Variants in KRTAP12-1 observed in about 807,000 individuals in gnomAD.
KRTAP12-1 encodes keratin associated protein 12-1, also known as keratin-associated protein 12-1.
For missense variants in KRTAP12-1, 109 were observed against 127.2 expected (o/e 0.86, Z 0.69); for synonymous variants, 56 against 58.8 (o/e 0.95, Z 0.22).
In KRTAP12-1 at chr21:44,681,826, T is replaced by C; in HGVS notation, c.*7A>G. 1 of 1,604,274 alleles carries C rather than the reference T, an allele frequency of 6.2e-7. No individual in the cohort carries two copies. The highest frequency in any genetic ancestry group is 8.5e-7 in the Non-Finnish European group (1 of 1,174,158). ...GCACTGGGAGCAGCGGGTCTGGAGA[T>C]TCATGCTCAGCAGCAGGAAGGGGTG... On this transcript the variant is annotated 3_prime_UTR_variant, in exon 1 of 1. Coordinates refer to ENST00000391617, the MANE Select transcript of KRTAP12-1 (RefSeq NM_181686.2).
Position 44,681,820 on chromosome 21 carries a change from T to G in KRTAP12-1, c.*13A>C. ...TCATCTGCACTGGGAGCAGCGGGTC[T>G]GGAGATTCATGCTCAGCAGCAGGAA... is the stretch of plus-strand genomic sequence containing the variant. On this transcript the variant is annotated 3_prime_UTR_variant, in exon 1 of 1. Transcript: ENST00000391617. 1 of 1,600,596 alleles carries G rather than the reference T, an allele frequency of 6.2e-7. No homozygotes were observed. Among genetic ancestry groups the G allele is most frequent in the Non-Finnish European group, 8.5e-7 (1 of 1,172,092 alleles).
Position 44,681,679 on chromosome 21 carries a change from A to T in KRTAP12-1, c.*154T>A. On this transcript the variant is annotated 3_prime_UTR_variant, in exon 1 of 1. Transcript: ENST00000391617. ...TAGGCAAGTTCAGCCAGGGCTCCAGATCATTCTATTATATTCTCGATCCAG... is the reference window on the plus strand; with the variant it reads ...TAGGCAAGTTCAGCCAGGGCTCCAGTTCATTCTATTATATTCTCGATCCAG... 2 of 1,043,470 alleles carry T rather than the reference A, an allele frequency of 1.9e-6. No homozygotes were observed. The highest frequency in any genetic ancestry group is 1.4e-6 in the Non-Finnish European group (1 of 735,860). The allele number at this position is 1,043,470 out of a possible 1,614,324, so 64.6% of individuals were successfully genotyped here. A position where few individuals can be genotyped will look rare whatever the true frequency, so the allele number is the denominator to read the frequency against.
rs1555948138 is a variant in KRTAP12-1 at position 44,682,041 on chromosome 21, A to T, written c.83T>A (p.Val28Glu). Reference protein sequence around the residue: ...SPCQASCYIPVGCQSSVCVPV... With the variant: ...SPCQASCYIPEGCQSSVCVPV... ...CACGCACACGGAGGACTGGCAGCCC[A>T]CGGGGATGTAACAGGATGCCTGGCA... The change falls in exon 1 of 1, where the codon GTG becomes GAG. Residue 28 changes from valine to glutamate, a missense_variant. By Grantham distance (121) the Val-to-Glu change is moderately radical. Transcript: ENST00000391617. 2 of 1,614,066 alleles carry T rather than the reference A, an allele frequency of 1.2e-6. No individual in the cohort carries two copies. Among genetic ancestry groups the T allele is most frequent in the Admixed American group, 1.7e-5 (1 of 60,028 alleles).
chr21:44,681,651 G>A lies in KRTAP12-1; in HGVS notation c.*182C>T, dbSNP rs141840336. On this transcript the variant is annotated 3_prime_UTR_variant, in exon 1 of 1. Transcript: ENST00000391617. ...TCTGGGACCCCAGACTTCCCTGGGG[G>A]GATAGGCAAGTTCAGCCAGGGCTCC... 1.3e-6 allele frequency: 1 copy of A among 783,990 alleles called. No individual in the cohort carries two copies. 48.6% of individuals were successfully genotyped at this position (783,990 alleles called of 1,614,324 possible).
chr21:44,681,985 GCA>G, the KRTAP12-1 span: 1 of 1,613,216 alleles, frequency 6.2e-7, no homozygotes, highest in Admixed American at 1.7e-5. Context: ...CATCTCACGG[GCA>G]CACACACGGC....
At position 44,681,777 on chromosome 21, in the gene KRTAP12-1, G is replaced by C. The variant is rs373365418; in HGVS notation, c.*56C>G. On this transcript the variant is annotated 3_prime_UTR_variant, in exon 1 of 1. Transcript: ENST00000391617. ...AAGACCAACTGAGGACTCATCCAGG[G>C]AGTGTACAGGTGTGGCCTCATCTGC... 8 of 1,555,724 alleles carry C rather than the reference G, an allele frequency of 5.1e-6. No individual in the cohort carries two copies. The African/African-American group carries it at 9.4e-5, about 18-fold the overall frequency.
In KRTAP12-1 at chr21:44,681,867, C is replaced by T. The variant is rs138110019; in HGVS notation, c.257G>A (p.Arg86Lys). 6.2e-7 allele frequency: 1 copy of T among 1,613,900 alleles called. No individual in the cohort carries two copies. Among genetic ancestry groups the T allele is most frequent in the Non-Finnish European group, 8.5e-7 (1 of 1,179,868 alleles). ...CQPSCTSVLC[R>K]PISCSTPSCC ...GGAAGGGGTGCTGCAGGAGATGGGTCTGCAGAGGACGCTGGTGCAGGAAGG... is the reference window on the plus strand; with the variant it reads ...GGAAGGGGTGCTGCAGGAGATGGGTTTGCAGAGGACGCTGGTGCAGGAAGG... Residue 86 changes from arginine (R) to lysine (K), a missense_variant, in exon 1 of 1, where the codon AGA becomes AAA. Physicochemically the swap from Arg to Lys is conservative, Grantham distance 26. Transcript: ENST00000391617.
rs782347689 is a variant in KRTAP12-1 at position 44,682,079 on chromosome 21, G to A, written c.45C>T (p.Cys15=). 9.3e-6 allele frequency: 15 copies of A among 1,613,938 alleles called. No homozygotes were observed. Among genetic ancestry groups the A allele is most frequent in the South Asian group, 2.2e-5 (2 of 91,058 alleles). ...AGGATGCCTGGCAGGGGCTGGGCGC[G>A]CAGCAGGCTGGCTGGCAGCCCGAGG... ...SCSSGCQPAC[C]APSPCQASCY... The change falls in exon 1 of 1, where the codon TGC becomes TGT. Residue 15 remains cysteine, a synonymous_variant. Transcript: ENST00000391617.
rs1986594312 is a variant in KRTAP12-1, at chr21:44,681,634, C to A, written c.*199G>T. The A allele has an allele frequency of 1.6e-6, 1 of 642,940 alleles. No homozygotes were observed. Among genetic ancestry groups the A allele is most frequent in the Admixed American group, 3.2e-5 (1 of 31,298 alleles). 39.8% of individuals were successfully genotyped at this position (642,940 alleles called of 1,614,324 possible). A position where few individuals can be genotyped will look rare whatever the true frequency, so the allele number is the denominator to read the frequency against. On this transcript the variant is annotated 3_prime_UTR_variant, in exon 1 of 1. Transcript: ENST00000391617. ...TGGGGTCAGAGAATGACTCTGGGAC[C>A]CCAGACTTCCCTGGGGGGATAGGCA...
In KRTAP12-1 at chr21:44,681,608, A is replaced by C. The variant is rs1569256273; in HGVS notation, c.*225T>G. 2 of 534,020 alleles carry C rather than the reference A, an allele frequency of 3.7e-6. No homozygotes were observed. The highest frequency in any genetic ancestry group is 3.8e-5 in the African/African-American group (2 of 53,128). The allele number at this position is 534,020 out of a possible 1,614,324, so 33.1% of individuals were successfully genotyped here. ...GGGAAAGCTGGTTTATTTGACTCTC[A>C]TGGGGTCAGAGAATGACTCTGGGAC... On this transcript the variant is annotated 3_prime_UTR_variant, in exon 1 of 1. Transcript: ENST00000391617.
the KRTAP12-1 span, chr21:44,681,916 AG>A: frequency 6.2e-7 from 1 of 1,614,152 alleles, no homozygotes; most frequent in Non-Finnish European, 8.5e-7. Context: ...GAGGACTGGC[AG>A]GAGGGAGCCG....
In KRTAP12-1 at chr21:44,681,647, G is replaced by C. The variant is rs536327308; in HGVS notation, c.*186C>G. The C allele has an allele frequency of 1.5e-3, 1,169 of 754,644 alleles. 8 individuals are homozygous for C. The highest frequency in any genetic ancestry group is 1.6e-3 in the Middle Eastern group (4 of 2,534). 46.7% of individuals were successfully genotyped at this position (754,644 alleles called of 1,614,324 possible). A position where few individuals can be genotyped will look rare whatever the true frequency, so the allele number is the denominator to read the frequency against. On this transcript the variant is annotated 3_prime_UTR_variant, in exon 1 of 1. Coordinates refer to ENST00000391617, the MANE Select transcript of KRTAP12-1 (RefSeq NM_181686.2). Reference sequence around the variant, plus strand: ...TGACTCTGGGACCCCAGACTTCCCTGGGGGGATAGGCAAGTTCAGCCAGGG... The same window carrying C: ...TGACTCTGGGACCCCAGACTTCCCTCGGGGGATAGGCAAGTTCAGCCAGGG...
rs781835995 is a variant in KRTAP12-1 at position 44,681,875 on chromosome 21, G to C, written c.249C>G (p.Val83=). The change falls in exon 1 of 1, where the codon GTC becomes GTG. Residue 83 remains valine, a synonymous_variant. Transcript: ENST00000391617. ...TGCTGCAGGAGATGGGTCTGCAGAGGACGCTGGTGCAGGAAGGCTGGCAGC... is the reference window on the plus strand; with the variant it reads ...TGCTGCAGGAGATGGGTCTGCAGAGCACGCTGGTGCAGGAAGGCTGGCAGC... ...SGCCQPSCTS[V]LCRPISCSTP... 1 of 1,614,102 alleles carries C rather than the reference G, an allele frequency of 6.2e-7. No homozygotes were observed. The highest frequency in any genetic ancestry group is 1.1e-5 in the South Asian group (1 of 91,068).
chr21:44,681,914 G>A lies in KRTAP12-1; in HGVS notation c.210C>T (p.Cys70=). 6.2e-7 allele frequency: 1 copy of A among 1,614,134 alleles called. No homozygotes were observed. Among genetic ancestry groups the A allele is most frequent in the South Asian group, 1.1e-5 (1 of 91,080 alleles). ...CRPVVYAAPS[C]QSSGCCQPSC... ...AAGGCTGGCAGCACCCAGAGGACTG[G>A]CAGGAGGGAGCCGCATACACGACGG... Residue 70 remains cysteine (C), a synonymous_variant, in exon 1 of 1, where the codon TGC becomes TGT. Transcript: ENST00000391617.
Position 44,682,013 on chromosome 21 carries a change from G to A in KRTAP12-1, c.111C>T (p.Pro37=), listed in dbSNP as rs782192568. 8.2e-5 allele frequency: 132 copies of A among 1,609,660 alleles called. No individual in the cohort carries two copies. Among genetic ancestry groups the A allele is most frequent in the Middle Eastern group, 1.6e-4 (1 of 6,068 alleles). ...CACACACGGCTGGCTTGAAGCTCACGGGCACGCACACGGAGGACTGGCAGC... is the reference window on the plus strand; with the variant it reads ...CACACACGGCTGGCTTGAAGCTCACAGGCACGCACACGGAGGACTGGCAGC... ...PVGCQSSVCV[P]VSFKPAVCVP... Residue 37 remains proline, a synonymous_variant, in exon 1 of 1, where the codon CCC becomes CCT. Coordinates refer to ENST00000391617, the MANE Select transcript of KRTAP12-1 (RefSeq NM_181686.2).
At position 44,682,016 on chromosome 21, in the gene KRTAP12-1, C is replaced by A. The variant is rs782019114; in HGVS notation, c.108G>T (p.Val36=). 3.1e-6 allele frequency: 5 copies of A among 1,609,280 alleles called. No individual in the cohort carries two copies. The Admixed American group carries it at 6.7e-5, about 22-fold the overall frequency. Residue 36 remains valine (V), a synonymous_variant, in exon 1 of 1, where the codon GTG becomes GTT. Coordinates refer to ENST00000391617, the MANE Select transcript of KRTAP12-1 (RefSeq NM_181686.2). ...IPVGCQSSVC[V]PVSFKPAVCV... is the part of the protein sequence containing the mutation. Reference sequence around the variant, plus strand: ...ACACGGCTGGCTTGAAGCTCACGGGCACGCACACGGAGGACTGGCAGCCCA... The same window carrying A: ...ACACGGCTGGCTTGAAGCTCACGGGAACGCACACGGAGGACTGGCAGCCCA...
rs1986607906 is a variant in KRTAP12-1 at position 44,681,857 on chromosome 21, G to T, written c.267C>A (p.Ser89=). The change falls in exon 1 of 1, where the codon TCC becomes TCA. Residue 89 remains serine (S), a synonymous_variant. Transcript: ENST00000391617. ...SCTSVLCRPI[S]CSTPSCC ...CTCAGCAGCAGGAAGGGGTGCTGCA[G>T]GAGATGGGTCTGCAGAGGACGCTGG... 1 of 1,612,936 alleles carries T rather than the reference G, an allele frequency of 6.2e-7. No individual in the cohort carries two copies. The highest frequency in any genetic ancestry group is 1.7e-5 in the Admixed American group (1 of 59,988).
At chr21:44,681,959 GCA>G in the KRTAP12-1 span, 34 of 1,613,898 alleles carry the variant, frequency 2.1e-5, no homozygotes, top group East Asian at 7.4e-4. Context: ...TCACGGGCAC[GCA>G]CACAGAGGAC....
chr21:44,682,158 G>A lies in KRTAP12-1; in HGVS notation c.-35C>T. 6.2e-7 allele frequency: 1 copy of A among 1,604,098 alleles called. No individual in the cohort carries two copies. Among genetic ancestry groups the A allele is most frequent in the East Asian group, 2.2e-5 (1 of 44,796 alleles). ...TGGCTGGATAAGGTCGAGGCAGAGG[G>A]CAGTGATGTCTGGGGATGGCCTCCC... is the stretch of plus-strand genomic sequence containing the variant. On this transcript the variant is annotated 5_prime_UTR_variant, in exon 1 of 1. Coordinates refer to ENST00000391617, the MANE Select transcript of KRTAP12-1 (RefSeq NM_181686.2).
Sources: allele counts gnomAD v4.1 joint callset, GRCh38; gene constraint gnomAD v4.1.1; transcripts MANE v1.5; gene names NCBI Gene and HGNC (gene_info 2026-07-23, HGNC 2026-07-21).